The following NT5C3A variants were observed in gnomAD, a reference collection of about 807,000 sequenced individuals.
NT5C3A encodes cytosolic 5'-nucleotidase 3A.
In NT5C3A, 23 loss-of-function variants were observed where a neutral mutation model predicts 40.0. That is an observed-to-expected ratio of 0.58 (90% confidence interval 0.41 to 0.81). The LOEUF is 0.81. NT5C3A is among the 40% of genes least tolerant of loss of function. The pLI, the probability that NT5C3A is intolerant of heterozygous loss-of-function variation, is 0.00. For missense variants in NT5C3A, 328 were observed against 403.0 expected (o/e 0.81, Z 1.59); for synonymous variants, 130 against 141.4 (o/e 0.92, Z 0.57).
intron 1 of NT5C3A, among the ~76,000 whole-genome samples, chr7:33,054,959 C>T (rs1328710291): frequency 6.6e-6 from 1 of 152,138 alleles, no homozygotes; most frequent in Non-Finnish European, 1.5e-5. Context: ...AAGGAGGTGG[C>T]TATGTGTTGA....
intron 7 of NT5C3A, among the ~76,000 whole-genome samples, chr7:33,016,669 C>CAAA (rs386409862): frequency 5.4e-5 from 5 of 91,844 alleles, no homozygotes; most frequent in East Asian, 6.8e-4. Context: ...GACTCCCTCT[C>CAAA]AAAAAAAAAA....
chr7:33,044,220 C>T (rs1476678165), intron 1 of NT5C3A, among the ~76,000 whole-genome samples: 1 of 151,864 alleles, frequency 6.6e-6, no homozygotes, highest in Non-Finnish European at 1.5e-5. Context: ...CATTTTGAAC[C>T]AAACTATATC....
At chr7:33,034,656 C>T (rs563966996) in intron 1 of NT5C3A, among the ~76,000 whole-genome samples, 1 of 152,288 alleles carries the variant, frequency 6.6e-6, no homozygotes, top group African/African-American at 2.4e-5. Context: ...AATAACTAAA[C>T]TGACGATGAC....
chr7:33,024,243 A>T, intron 2 of NT5C3A, 135 bp from the exon 3 acceptor site: 1 of 671,844 alleles, frequency 1.5e-6, no homozygotes, highest in Non-Finnish European at 2.7e-6. Flanking sequence ...CACACTGTTA[A>T]CTTATTCTCT....
intron 1 of NT5C3A, among the ~76,000 whole-genome samples, chr7:33,034,792 TAGAG>T (rs147451110): frequency 0.012 from 1,896 of 151,858 alleles, 36 homozygotes; most frequent in African/African-American, 0.044. Flanking sequence ...AGAAAAAAGC[TAGAG>T]AGAAAGAGAA....
chr7:33,023,892 A>G (rs1351771808), intron 3 of NT5C3A, 147 bp downstream of exon 3: 1 of 629,632 alleles, frequency 1.6e-6, no homozygotes, highest in East Asian at 2.8e-5. Flanking sequence ...AAAAAACCTC[A>G]AAAATATAAT....
At chr7:33,030,265 AT>A (rs1418586773) in intron 1 of NT5C3A, among the ~76,000 whole-genome samples, 2 of 152,212 alleles carry the variant, frequency 1.3e-5, no homozygotes, top group African/African-American at 2.4e-5. Context: ...GATGAAATAC[AT>A]CACATACTTT....
chr7:33,026,744 T>A (rs1785962431), intron 2 of NT5C3A, 73 bp downstream of exon 2: 2 of 1,004,632 alleles, frequency 2.0e-6, no homozygotes, highest in Non-Finnish European at 3.2e-6. Context: ...TCCTCCTGCT[T>A]CAGTCTCCCA....
intron 7 of NT5C3A, among the ~76,000 whole-genome samples, chr7:33,016,438 A>G (rs12155117): frequency 0.72 from 109,649 of 151,368 alleles, 39,989 homozygotes; most frequent in African/African-American, 0.79. Flanking sequence ...TTGGGAGGCC[A>G]AGATGGGCAG....
intron 1 of NT5C3A, chr7:33,036,359 C>A (rs769224256): frequency 5.6e-5 from 16 of 288,072 alleles, no homozygotes; most frequent in South Asian, 1.5e-4. Context: ...GTGGGTGGCT[C>A]CAGTAGGGCT....
chr7:33,029,765 C>G, intron 1 of NT5C3A: 1 of 1,158,794 alleles, frequency 8.6e-7, no homozygotes, highest in South Asian at 1.3e-5. Flanking sequence ...TAAGGTCTTG[C>G]TGTGTTTCCC....
chr7:33,039,034 G>C (rs745499714), intron 1 of NT5C3A: 6 of 395,098 alleles, frequency 1.5e-5, no homozygotes, highest in Admixed American at 3.0e-5. Flanking sequence ...TTTTGTATGA[G>C]ATTAAGGTCT....
At chr7:33,042,365 AAAAAC>A (rs1357896226) in intron 1 of NT5C3A, among the ~76,000 whole-genome samples, 3 of 152,040 alleles carry the variant, frequency 2.0e-5, no homozygotes, top group Admixed American at 1.3e-4. Flanking sequence ...CAAAAAAACA[AAAAAC>A]AAAACTATCC....
chr7:33,015,407 T>G (rs1186858069), intron 8 of NT5C3A, among the ~76,000 whole-genome samples: 1 of 151,922 alleles, frequency 6.6e-6, no homozygotes, highest in African/African-American at 2.4e-5. Flanking sequence ...TAAAAAAAAT[T>G]TAAAAATCAG....
chr7:33,016,540 G>A (rs146847122), intron 7 of NT5C3A, among the ~76,000 whole-genome samples: 4,985 of 151,304 alleles, frequency 0.033, 129 homozygotes, highest in South Asian at 0.12. Context: ...TTGGTGGCAC[G>A]CACCTGTAAT....
In NT5C3A at chr7:33,026,829, A is replaced by T; in HGVS notation, c.225T>A (p.Ala75=). The change falls in exon 2 of 9, where the codon GCT becomes GCA. Residue 75 remains alanine, a synonymous_variant. Transcript: ENST00000610140. ...GATAATTATTCACCTGAAGTTTGGC[A>T]GCTCCTCCTTTGATAAGACCACAGA... is the stretch of plus-strand genomic sequence containing the variant. ...EIICGLIKGG[A]AKLQIITDFD... is the part of the protein sequence containing the mutation. The T allele has an allele frequency of 6.2e-7, 1 of 1,609,062 alleles. No individual in the cohort carries two copies. The highest frequency in any genetic ancestry group is 8.5e-7 in the Non-Finnish European group (1 of 1,177,208).
chr7:33,057,504 C>G (rs1386159702), intron 1 of NT5C3A, among the ~76,000 whole-genome samples: 1 of 151,858 alleles, frequency 6.6e-6, no homozygotes, highest in East Asian at 1.9e-4. Flanking sequence ...CCTGGGTGAT[C>G]GAGTGAGACC....
intron 1 of NT5C3A, among the ~76,000 whole-genome samples, chr7:33,059,183 T>A (rs1224220692): frequency 1.3e-5 from 2 of 152,340 alleles, no homozygotes; most frequent in East Asian, 3.9e-4. Flanking sequence ...AGGGAAAATA[T>A]TATTTCTAGC....
At chr7:33,051,349 A>G (rs979555581) in intron 1 of NT5C3A, among the ~76,000 whole-genome samples, 7 of 152,056 alleles carry the variant, frequency 4.6e-5, no homozygotes, top group African/African-American at 1.7e-4. Flanking sequence ...TTTTTAGTAT[A>G]GATGGGGTTT....
Sources: gnomAD v4.1 joint callset for allele counts (sites outside exome capture counted in the v4.1 genomes callset) on GRCh38, gnomAD v4.1.1 for gene constraint, MANE v1.5 for transcripts, NCBI Gene and HGNC (gene_info 2026-07-23, HGNC 2026-07-21) for gene names.